The following CARS1 variants were observed in gnomAD, a reference collection of about 807,000 sequenced individuals.
The protein encoded by CARS1 is cysteinyl-tRNA synthetase 1.
Under a neutral mutation model 106.2 loss-of-function variants are expected in CARS1, and 48 were observed. The ratio of observed to expected loss-of-function variants is 0.45; its 90% confidence interval spans 0.36 to 0.57. The LOEUF is 0.57. CARS1 is among the 20% of genes least tolerant of loss of function. The probability of loss-of-function intolerance (pLI) is 0.00; values close to 1 mark genes in which losing one functional copy is unlikely to be tolerated. For missense variants in CARS1, 968 were observed against 1,057.2 expected, an observed-to-expected ratio of 0.92 and a Z score of 1.17; for synonymous variants, 409 against 403.4, an observed-to-expected ratio of 1.01 and a Z score of -0.17.
At chr11:3,054,943 A>G (rs1191312575) in intron 1 of CARS1, 2 of 702,588 alleles carry the variant, frequency 2.8e-6, no homozygotes, top group East Asian at 2.7e-5. Flanking sequence ...GGCTCCATCT[A>G]CCCCAGAAAC....
At chr11:3,005,673 T>C (rs954077257) in intron 19 of CARS1, among the ~76,000 whole-genome samples, 6 of 146,728 alleles carry the variant, frequency 4.1e-5, no homozygotes, top group African/African-American at 1.3e-4. Context: ...TGCTCTGTCA[T>C]CCAGGCTGGA....
chr11:3,044,018 C>A lies in CARS1; in HGVS notation c.275-1762G>T, dbSNP rs899003358. ...GCTCGGCCTCAGTGTACTTTAAATG[C>A]CTCACAAGCCCTTGAAGGAGAATCT... On this transcript the variant is annotated intron_variant, in intron 2 of 22. Coordinates refer to ENST00000380525, the MANE Select transcript of CARS1 (RefSeq NM_001014437.3). The surrounding 1 kb of genome is among the most constrained non-coding windows in gnomAD (Gnocchi z 4.4). Among the ~76,000 whole-genome samples the A allele has an allele frequency of 6.6e-6, 1 of 152,180 alleles. No homozygotes were observed. The highest frequency in any genetic ancestry group is 2.4e-5 in the African/African-American group (1 of 41,434).
intron 7 of CARS1, among the ~76,000 whole-genome samples, chr11:3,035,042 C>A (rs538834631): frequency 6.6e-6 from 1 of 152,184 alleles, no homozygotes; most frequent in South Asian, 2.1e-4. Flanking sequence ...ATAACTACCC[C>A]ACTTCTGTGA....
At chr11:3,024,380 C>T (rs1851851366) in intron 10 of CARS1, among the ~76,000 whole-genome samples, 1 of 152,158 alleles carries the variant, frequency 6.6e-6, no homozygotes, top group South Asian at 2.1e-4. Context: ...TTTCAACCCC[C>T]CAGACAAGTT....
chr11:3,015,979 G>C, intron 16 of CARS1, 130 bp from the exon 17 acceptor site: 1 of 756,726 alleles, frequency 1.3e-6, no homozygotes, highest in African/African-American at 1.7e-5. Context: ...GGAAGCAGCA[G>C]CTCCAGGAGC....
At position 3,008,564 on chromosome 11, in the gene CARS1, G is replaced by A. The variant is rs908877940; in HGVS notation, c.2069-1605C>T. The A allele has an allele frequency of 6.6e-6, 1 of 151,334 alleles. No homozygotes were observed. The highest frequency in any genetic ancestry group is 6.6e-5 in the Admixed American group (1 of 15,174). The allele number at this position is 151,334 out of a possible 1,614,324, so 9.4% of individuals were successfully genotyped here. On this transcript the variant is annotated intron_variant, in intron 18 of 22. Transcript: ENST00000380525. The surrounding 1 kb of genome is among the most constrained non-coding windows in gnomAD (Gnocchi z 5.1). ...AACCAGGGAGTCGGAGGTTGCAGTG[G>A]GCCAAGATGACACCACTGCACTCCA...
chr11:3,057,219 C>G, intron 1 of CARS1, 124 bp downstream of exon 1: 1 of 826,028 alleles, frequency 1.2e-6, no homozygotes, highest in Non-Finnish European at 2.0e-6. Context: ...ACGGACACAG[C>G]TGCCCCTCAG....
chr11:3,055,116 C>A (rs1856068629), intron 1 of CARS1: 1 of 600,472 alleles, frequency 1.7e-6, no homozygotes. Context: ...AAAATGATGG[C>A]CTCCTTGAAA....
intron 10 of CARS1, among the ~76,000 whole-genome samples, chr11:3,023,350 T>C (rs1396671661): frequency 6.6e-6 from 1 of 152,194 alleles, no homozygotes; most frequent in African/African-American, 2.4e-5. Flanking sequence ...ACTATATCCA[T>C]AGTTACATTC....
At chr11:3,002,639 C>G in intron 20 of CARS1, 39 bp from the exon 21 acceptor site, 1 of 1,612,818 alleles carries the variant, frequency 6.2e-7, no homozygotes, top group South Asian at 1.1e-5. Flanking sequence ...ACAGGGCTGC[C>G]TCAGGCTGCT....
intron 2 of CARS1, 126 bp downstream of exon 2, chr11:3,047,627 A>T: frequency 7.6e-7 from 1 of 1,319,468 alleles, no homozygotes; most frequent in Non-Finnish European, 1.0e-6. Context: ...CACTTGCTCG[A>T]GACACACTTG....
chr11:3,011,527 T>C (rs1850458563), intron 18 of CARS1, among the ~76,000 whole-genome samples: 1 of 151,960 alleles, frequency 6.6e-6, no homozygotes, highest in South Asian at 2.1e-4. Flanking sequence ...GGCAGAAGAA[T>C]GGCGTGAACC....
chr11:3,036,091 C>T (rs1277676143), intron 7 of CARS1, among the ~76,000 whole-genome samples: 1 of 152,232 alleles, frequency 6.6e-6, no homozygotes, highest in Non-Finnish European at 1.5e-5. Flanking sequence ...ACATTTCACA[C>T]ATGTGGCTGC....
Position 3,021,547 on chromosome 11 carries a change from C to T in CARS1, c.1154-1215G>A, listed in dbSNP as rs1590383716. Among the ~76,000 whole-genome samples the T allele has an allele frequency of 1.3e-5, 2 of 151,966 alleles. No individual in the cohort carries two copies. Among genetic ancestry groups the T allele is most frequent in the African/African-American group, 2.4e-5 (1 of 41,350 alleles). On this transcript the variant is annotated intron_variant, in intron 10 of 22. Coordinates refer to ENST00000380525, the MANE Select transcript of CARS1 (RefSeq NM_001014437.3). This position sits in a 1 kb window ranked among gnomAD's most constrained non-coding sequence, Gnocchi z 5.3. ...GAAACAGAGTCCAGAGGAAAAGCAC[C>T]GCTAAATATATTTTTCTAAACACCA...
At chr11:3,047,479 A>G (rs970856929) in intron 2 of CARS1, among the ~76,000 whole-genome samples, 2 of 152,126 alleles carry the variant, frequency 1.3e-5, no homozygotes, top group African/African-American at 4.8e-5. Flanking sequence ...CCAGAGCCGC[A>G]GCGGCTCTGC....
In CARS1 at chr11:3,040,437, G is replaced by A; in HGVS notation, c.455+459C>T. 2.3e-6 allele frequency: 1 copy of A among 444,056 alleles called. No individual in the cohort carries two copies. The highest frequency in any genetic ancestry group is 4.5e-6 in the Non-Finnish European group (1 of 223,914). The allele number at this position is 444,056 out of a possible 1,614,324, so 27.5% of individuals were successfully genotyped here. On this transcript the variant is annotated intron_variant, in intron 4 of 22. Coordinates refer to ENST00000380525, the MANE Select transcript of CARS1 (RefSeq NM_001014437.3). This position sits in a 1 kb window ranked among gnomAD's most constrained non-coding sequence, Gnocchi z 5.8. ...AAACATGAACACATAAAAGGACTCT[G>A]TGGCATTTACCCCAACAGCCAGCTA...
chr11:3,029,211 C>T lies in CARS1; in HGVS notation c.942+92G>A. On this transcript the variant is annotated intron_variant, in intron 8 of 22. Coordinates refer to ENST00000380525, the MANE Select transcript of CARS1 (RefSeq NM_001014437.3). The surrounding 1 kb of genome is among the most constrained non-coding windows in gnomAD (Gnocchi z 5.9). ...CAACTCAAGTTCAATGTTGACTTGG[C>T]CGCTTAATTGAGCTGGCCTTGCCAA... 2.0e-6 allele frequency: 3 copies of T among 1,502,252 alleles called. No individual in the cohort carries two copies. The highest frequency in any genetic ancestry group is 2.8e-6 in the Non-Finnish European group (3 of 1,083,200). 93.1% of individuals were successfully genotyped at this position (1,502,252 alleles called of 1,614,324 possible).
At chr11:3,001,345 C>A in intron 22 of CARS1, 97 bp from the exon 23 acceptor site, 1 of 1,405,540 alleles carries the variant, frequency 7.1e-7, no homozygotes, top group East Asian at 2.3e-5. Context: ...GTCTATCTCC[C>A]TGATGCAGCC....
At chr11:3,014,463 T>TG (rs1194189647) in intron 17 of CARS1, among the ~76,000 whole-genome samples, 5 of 152,238 alleles carry the variant, frequency 3.3e-5, no homozygotes, top group Non-Finnish European at 7.3e-5. Flanking sequence ...TGAGGCTGCC[T>TG]GGGGGATGCG....
Sources: allele counts gnomAD v4.1 joint callset (sites outside exome capture counted in the v4.1 genomes callset), GRCh38; gene constraint gnomAD v4.1.1; non-coding constraint Gnocchi (gnomAD v3.1); transcripts MANE v1.5; gene names NCBI Gene and HGNC (gene_info 2026-07-23, HGNC 2026-07-21).